The following CDH8 variants were observed in gnomAD, a reference collection of about 807,000 sequenced individuals.
CDH8 encodes the protein cadherin 8.
Under a neutral mutation model 68.1 loss-of-function variants are expected in CDH8, and 17 were observed. The ratio of observed to expected loss-of-function variants is 0.25; its 90% CI spans 0.17 to 0.37. The LOEUF (loss-of-function observed/expected upper bound fraction) is 0.37, where lower values mean the gene tolerates loss of function less well. CDH8 is among the 10% of genes least tolerant of loss of function. The pLI is 1.00. For missense variants in CDH8, 763 were observed against 999.3 expected, an observed-to-expected ratio of 0.76 and a Z score of 3.19; for synonymous variants, 372 against 365.1, an observed-to-expected ratio of 1.02 and a Z score of -0.21.
chr16:61,959,558 G>GTA (rs113210287), intron 2 of CDH8, among the ~76,000 whole-genome samples: 83,413 of 144,962 alleles, frequency 0.58, 24,621 homozygotes, highest in Non-Finnish European at 0.65. Context: ...GTGTGTGTGT[G>GTA]TATATATATA....
intron 4 of CDH8, among the ~76,000 whole-genome samples, chr16:61,830,650 C>G (rs1411439279): frequency 1.3e-5 from 2 of 151,768 alleles, no homozygotes; most frequent in Admixed American, 1.3e-4. Flanking sequence ...CACACATTCT[C>G]AACACTCAGC....
At chr16:61,716,759 C>T (rs543186574) in intron 9 of CDH8, among the ~76,000 whole-genome samples, 1 of 151,834 alleles carries the variant, frequency 6.6e-6, no homozygotes, top group African/African-American at 2.4e-5. Flanking sequence ...GGTTAAACCA[C>T]ATTTGACACT....
At chr16:61,761,385 G>A (rs2142970229) in intron 8 of CDH8, among the ~76,000 whole-genome samples, 1 of 152,218 alleles carries the variant, frequency 6.6e-6, no homozygotes, top group East Asian at 1.9e-4. Flanking sequence ...TTTCCCAGAA[G>A]ATTTCTGGTT....
At chr16:61,896,912 A>C (rs1963877135) in intron 3 of CDH8, among the ~76,000 whole-genome samples, 1 of 152,066 alleles carries the variant, frequency 6.6e-6, no homozygotes, top group African/African-American at 2.4e-5. Flanking sequence ...ATAGCTAAGG[A>C]AAATGGCAAA....
At chr16:62,009,886 C>T (rs756239232) in intron 2 of CDH8, among the ~76,000 whole-genome samples, 13 of 152,144 alleles carry the variant, frequency 8.5e-5, no homozygotes, top group Non-Finnish European at 1.5e-4. Flanking sequence ...CTTGTTACTC[C>T]TTCTCCATCA....
At chr16:62,023,688 C>T (rs1257423603) in intron 1 of CDH8, among the ~76,000 whole-genome samples, 4 of 152,042 alleles carry the variant, frequency 2.6e-5, no homozygotes, top group Admixed American at 1.3e-4. Context: ...CACAAAGTTA[C>T]GCAAAGATCT....
intron 10 of CDH8, among the ~76,000 whole-genome samples, chr16:61,673,930 T>C (rs1024141548): frequency 2.6e-5 from 4 of 152,098 alleles, no homozygotes; most frequent in Admixed American, 2.6e-4. Flanking sequence ...TTTGGTTGAC[T>C]ACCAAGCTAC....
chr16:61,763,318 G>A (rs1317325544), intron 8 of CDH8, among the ~76,000 whole-genome samples: 2 of 152,074 alleles, frequency 1.3e-5, no homozygotes, highest in East Asian at 1.9e-4. Context: ...CACTCAGACC[G>A]TTCTGACCAT....
chr16:61,954,587 G>A (rs991428905), intron 2 of CDH8, among the ~76,000 whole-genome samples: 45 of 151,420 alleles, frequency 3.0e-4, no homozygotes, highest in South Asian at 8.3e-4. Context: ...CTGTAGTCCC[G>A]GCTACTCAGG....
intron 4 of CDH8, among the ~76,000 whole-genome samples, chr16:61,832,052 T>C (rs1279365098): frequency 1.3e-5 from 2 of 151,754 alleles, no homozygotes; most frequent in Non-Finnish European, 2.9e-5. Flanking sequence ...TTCTGCTAGC[T>C]ATGTGATTTA....
At chr16:61,831,605 C>A (rs1287726844) in intron 4 of CDH8, among the ~76,000 whole-genome samples, 1 of 151,712 alleles carries the variant, frequency 6.6e-6, no homozygotes, top group Non-Finnish European at 1.5e-5. Context: ...GTTATTTTTT[C>A]TTCCCATTGT....
intron 10 of CDH8, among the ~76,000 whole-genome samples, chr16:61,695,184 T>C (rs1300671221): frequency 6.6e-6 from 1 of 152,054 alleles, no homozygotes; most frequent in Non-Finnish European, 1.5e-5. Flanking sequence ...TTCTCAAAGA[T>C]TGACTTTGAC....
At chr16:61,968,754 C>T (rs1440824385) in intron 2 of CDH8, among the ~76,000 whole-genome samples, 1 of 152,236 alleles carries the variant, frequency 6.6e-6, no homozygotes, top group East Asian at 1.9e-4. Context: ...CAGGCCCCCA[C>T]AGCTTTCACT....
At chr16:61,784,092 AC>A (rs1432568905) in intron 8 of CDH8, among the ~76,000 whole-genome samples, 1 of 150,870 alleles carries the variant, frequency 6.6e-6, no homozygotes, top group African/African-American at 2.4e-5. Flanking sequence ...AACAATATTA[AC>A]TTTAAATGTA....
intron 4 of CDH8, among the ~76,000 whole-genome samples, chr16:61,840,861 C>A (rs1380748096): frequency 6.6e-6 from 1 of 152,036 alleles, no homozygotes; most frequent in Admixed American, 6.6e-5. Flanking sequence ...AGCAAACCAC[C>A]ATGGCACACA....
chr16:61,845,268 C>T (rs1962779175), intron 4 of CDH8, among the ~76,000 whole-genome samples: 1 of 152,056 alleles, frequency 6.6e-6, no homozygotes, highest in African/African-American at 2.4e-5. Flanking sequence ...TTATTATCTT[C>T]ATTTACAGCT....
At chr16:61,801,614 A>G (rs28542714) in intron 7 of CDH8, among the ~76,000 whole-genome samples, 149,774 of 152,182 alleles carry the variant, frequency 0.98, 73,709 homozygotes, top group Middle Eastern at 1. Context: ...TGCGTGCACC[A>G]TGCGCGAGCC....
At chr16:62,006,145 G>A (rs888151436) in intron 2 of CDH8, among the ~76,000 whole-genome samples, 6 of 152,332 alleles carry the variant, frequency 3.9e-5, no homozygotes, top group African/African-American at 1.4e-4. Context: ...CTGGTTTCTA[G>A]TGTGGGGCTA....
Position 62,021,575 on chromosome 16 carries a change from C to T in CDH8, c.-172G>A. 7.4e-7 allele frequency: 1 copy of T among 1,357,164 alleles called. No homozygotes were observed. The highest frequency in any genetic ancestry group is 9.4e-7 in the Non-Finnish European group (1 of 1,058,436). The allele number at this position is 1,357,164 out of a possible 1,614,324, so 84.1% of individuals were successfully genotyped here. On this transcript the variant is annotated 5_prime_UTR_variant, in exon 2 of 12. The change abolishes an upstream ATG in the 5' untranslated region. Transcript: ENST00000577390. The stretch of plus-strand genomic sequence containing the variant: ...AAGCAGCTTTTCTAAGACCACAATC[C>T]ATTGGCTTTTCTTTTCATTGAAATT...
Sources: gnomAD v4.1 joint callset for allele counts (sites outside exome capture counted in the v4.1 genomes callset) on GRCh38, gnomAD v4.1.1 for gene constraint, MANE v1.5 for transcripts, NCBI Gene and HGNC (gene_info 2026-07-23, HGNC 2026-07-21) for gene names.